The following SPIRE1 variants were observed in gnomAD, a reference collection of about 807,000 sequenced individuals.
The protein encoded by SPIRE1 is protein spire homolog 1.
A neutral mutation model predicts 94.1 loss-of-function variants in SPIRE1; 40 were observed. The observed-to-expected ratio is 0.43, with a 90% confidence interval of 0.33 to 0.55. The LOEUF is 0.55. Ranked by LOEUF, SPIRE1 falls within the 20% of genes least tolerant of loss-of-function variation. The pLI, the probability that SPIRE1 is intolerant of heterozygous loss-of-function variation, is 0.06. For synonymous variants in SPIRE1, 376 were observed against 371.7 expected (o/e 1.01, Z -0.13); for missense variants, 838 against 975.2 (o/e 0.86, Z 1.87).
In SPIRE1 at chr18:12,493,109, C is replaced by A. The variant is rs767482778; in HGVS notation, c.1152G>T (p.Arg384=). The change falls in exon 8 of 17, where the codon CGG becomes CGT. Residue 384 remains arginine, a synonymous_variant. Coordinates refer to ENST00000409402, the MANE Select transcript of SPIRE1 (RefSeq NM_001128626.2). ...GTCTAATCTCCTCTGGTGATACAGGCCGCAGCTTTCTTTCTGCTTTAATTT... is the reference window on the plus strand; with the variant it reads ...GTCTAATCTCCTCTGGTGATACAGGACGCAGCTTTCTTTCTGCTTTAATTT... The part of the protein sequence containing the change: ...LEEIKAERKL[R]PVSPEEIRRS... 1 of 1,613,604 alleles carries A rather than the reference C, an allele frequency of 6.2e-7. No homozygotes were observed. Among genetic ancestry groups the A allele is most frequent in the South Asian group, 1.1e-5 (1 of 91,046 alleles).
Position 12,549,851 on chromosome 18 carries a change from T to A in SPIRE1, c.373-2947A>T, listed in dbSNP as rs723836. On this transcript the variant is annotated intron_variant, in intron 2 of 16. Coordinates refer to ENST00000409402, the MANE Select transcript of SPIRE1 (RefSeq NM_001128626.2). ...AAAAATCACAAAACCATTGCAAATA[T>A]CAACACCAGCGATGGCTTCCAACCA... Among the ~76,000 whole-genome samples the A allele has an allele frequency of 2.6e-5, 4 of 151,708 alleles. No individual in the cohort carries two copies. The East Asian group carries it at 7.8e-4, about 29-fold the overall frequency.
rs2144384281 is a variant in SPIRE1 at position 12,559,680 on chromosome 18, G to A, written c.373-12776C>T. ...AAACATTGGGGAAACTCTCCAGGAT[G>A]TTAGACTGGGCAAAGATTTCTTGAG... is the stretch of plus-strand genomic sequence containing the variant. On this transcript the variant is annotated intron_variant, in intron 2 of 16. Coordinates refer to ENST00000409402, the MANE Select transcript of SPIRE1 (RefSeq NM_001128626.2). The surrounding 1 kb of genome is among the most constrained non-coding windows in gnomAD (Gnocchi z 4.7). Among the ~76,000 whole-genome samples, 1 of 152,358 alleles carries A rather than the reference G, an allele frequency of 6.6e-6. No homozygotes were observed. The highest frequency in any genetic ancestry group is 1.9e-4 in the East Asian group (1 of 5,184).
chr18:12,558,466 A>C (rs894498397), intron 2 of SPIRE1, among the ~76,000 whole-genome samples: 4 of 152,170 alleles, frequency 2.6e-5, no homozygotes, highest in African/African-American at 7.2e-5. Flanking sequence ...CACAGCATGG[A>C]AGGGGACTCG....
intron 2 of SPIRE1, among the ~76,000 whole-genome samples, chr18:12,595,522 T>C (rs1278387920): frequency 3.3e-5 from 5 of 152,194 alleles, no homozygotes; most frequent in Admixed American, 1.3e-4. Context: ...GAACTTTTCA[T>C]AGGACCAAGT....
intron 1 of SPIRE1, among the ~76,000 whole-genome samples, chr18:12,643,653 AT>A (rs1263126988): frequency 6.6e-6 from 1 of 152,168 alleles, no homozygotes; most frequent in African/African-American, 2.4e-5. Context: ...CTCTGTCAAG[AT>A]TTGGGAGATC....
At chr18:12,495,382 A>G (rs973291742) in intron 7 of SPIRE1, among the ~76,000 whole-genome samples, 2 of 152,196 alleles carry the variant, frequency 1.3e-5, no homozygotes, top group Non-Finnish European at 2.9e-5. Flanking sequence ...ATTATAAAAT[A>G]TGTCAATATG....
At chr18:12,546,277 TCG>T (rs2035166157) in intron 3 of SPIRE1, among the ~76,000 whole-genome samples, 1 of 151,896 alleles carries the variant, frequency 6.6e-6, no homozygotes, top group South Asian at 2.1e-4. Flanking sequence ...CCGTGAGCCA[TCG>T]CGCCCAGCCT....
intron 4 of SPIRE1, among the ~76,000 whole-genome samples, chr18:12,526,094 G>C (rs867599035): frequency 0.063 from 1,597 of 25,356 alleles, 20 homozygotes; most frequent in African/African-American, 0.16. Context: ...CACACACACA[G>C]AGATGTATCT....
chr18:12,544,301 G>C (rs185305741), intron 3 of SPIRE1, among the ~76,000 whole-genome samples: 64 of 151,582 alleles, frequency 4.2e-4, no homozygotes, highest in Admixed American at 7.9e-4. Flanking sequence ...CTAGGTTCAA[G>C]AGATTCTCAT....
rs2032885352 is a variant in SPIRE1, at chr18:12,482,650, C to G, written c.1232-2779G>C. ...GGCATATGAACTGAATTTTAGGGAA[C>G]ACTGTCAAATGCCAGTGGCTGCCTT... On this transcript the variant is annotated intron_variant, in intron 9 of 16. Transcript: ENST00000409402. Among the ~76,000 whole-genome samples the G allele has an allele frequency of 4.6e-5, 7 of 152,254 alleles. No individual in the cohort carries two copies. In the South Asian group the frequency reaches 1.5e-3, roughly 32 times the overall value.
chr18:12,580,279 A>G (rs936945091), intron 2 of SPIRE1, among the ~76,000 whole-genome samples: 41 of 152,092 alleles, frequency 2.7e-4, no homozygotes, highest in African/African-American at 8.9e-4. Flanking sequence ...TGGAGAGGAA[A>G]GGTTTGAAAT....
At chr18:12,624,929 T>C (rs1036267378) in intron 2 of SPIRE1, among the ~76,000 whole-genome samples, 3 of 152,086 alleles carry the variant, frequency 2.0e-5, no homozygotes, top group Admixed American at 6.6e-5. Flanking sequence ...TGTCTTCAGA[T>C]ATAGTAAAAA....
chr18:12,449,506 T>C lies in SPIRE1; in HGVS notation c.*132A>G, dbSNP rs2031114393. ...GCATTCAGTCTGTGGAACAATGTGA[T>C]GCGGCAAAAATCTGATCTAATGCAA... On this transcript the variant is annotated 3_prime_UTR_variant, in exon 17 of 17. Coordinates refer to ENST00000409402, the MANE Select transcript of SPIRE1 (RefSeq NM_001128626.2). 4 of 917,852 alleles carry C rather than the reference T, an allele frequency of 4.4e-6. No individual in the cohort carries two copies. Among genetic ancestry groups the C allele is most frequent in the Non-Finnish European group, 4.9e-6 (3 of 617,610 alleles). 56.9% of individuals were successfully genotyped at this position (917,852 alleles called of 1,614,324 possible).
At chr18:12,450,919 C>A in intron 16 of SPIRE1, 2 of 681,894 alleles carry the variant, frequency 2.9e-6, no homozygotes, top group Non-Finnish European at 2.7e-6. Flanking sequence ...ATGTTTCTGA[C>A]TATAAGTTGA....
intron 2 of SPIRE1, among the ~76,000 whole-genome samples, chr18:12,591,188 G>C (rs909584087): frequency 1.3e-5 from 2 of 152,208 alleles, no homozygotes; most frequent in Non-Finnish European, 2.9e-5. Flanking sequence ...CACAGGAGTA[G>C]AATGGAAGGA....
upstream of SPIRE1, among the ~76,000 whole-genome samples, chr18:12,660,823 A>T (rs1046780524): frequency 6.6e-6 from 1 of 152,138 alleles, no homozygotes; most frequent in Admixed American, 6.6e-5. Flanking sequence ...GTGTGAGCAT[A>T]TATGTAATTA....
intron 10 of SPIRE1, among the ~76,000 whole-genome samples, chr18:12,467,171 G>C (rs2032142722): frequency 6.6e-6 from 1 of 152,170 alleles, no homozygotes; most frequent in African/African-American, 2.4e-5. Context: ...CCAGCTACTT[G>C]GGAGGCTGAG....
chr18:12,659,238 C>T (rs757040176), upstream of SPIRE1, among the ~76,000 whole-genome samples: 2 of 150,874 alleles, frequency 1.3e-5, no homozygotes, highest in Non-Finnish European at 3.0e-5. Context: ...ATCACGCTCT[C>T]AACAATTGCA....
chr18:12,473,566 A>G (rs1388854642), intron 10 of SPIRE1, among the ~76,000 whole-genome samples: 3 of 152,230 alleles, frequency 2.0e-5, no homozygotes, highest in Admixed American at 1.3e-4. Context: ...ACATTTAATC[A>G]AATGGAAATT....
Sources: allele counts gnomAD v4.1 joint callset (sites outside exome capture counted in the v4.1 genomes callset), GRCh38; gene constraint gnomAD v4.1.1; non-coding constraint Gnocchi (gnomAD v3.1); transcripts MANE v1.5; gene names NCBI Gene and HGNC (gene_info 2026-07-23, HGNC 2026-07-21).